Variants in PRRG4 observed in about 807,000 individuals in gnomAD.
PRRG4 encodes transmembrane gamma-carboxyglutamic acid protein 4.
Under a neutral mutation model 20.0 loss-of-function variants are expected in PRRG4, and 12 were observed. The observed-to-expected ratio is 0.60, with a 90% CI of 0.38 to 0.97. The LOEUF is 0.97. Ranked by LOEUF, PRRG4 falls within the 50% of genes least tolerant of loss-of-function variation. PRRG4 has a pLI of 0.00. For synonymous variants in PRRG4, 94 were observed against 96.4 expected, an observed-to-expected ratio of 0.98 and a Z score of 0.15; for missense variants, 199 against 265.1, an observed-to-expected ratio of 0.75 and a Z score of 1.73.
rs1260071473 is a variant in PRRG4 at position 32,840,930 on chromosome 11, TAGCACATTGATAA to T, written c.449+695_449+707del. ...TAAAATGCTTACCAATTGAGGATAATAGCACATTGATAAAGCTTCAGAAAGATTCATAAAGGCC... is the reference window on the plus strand; with the variant it reads ...TAAAATGCTTACCAATTGAGGATAATAGCTTCAGAAAGATTCATAAAGGCC... On this transcript the variant is annotated intron_variant, in intron 5 of 5. Coordinates refer to ENST00000257836, the MANE Select transcript of PRRG4 (RefSeq NM_024081.6). The surrounding 1 kb of genome is among the most constrained non-coding windows in gnomAD (Gnocchi z 4.1). 1.3e-5 allele frequency among the ~76,000 whole-genome samples: 2 copies of T among 152,206 alleles called. No individual in the cohort carries two copies. Among genetic ancestry groups the T allele is most frequent in the African/African-American group, 4.8e-5 (2 of 41,450 alleles).
At chr11:32,849,280 A>AGCCGGGGAGATT (rs1851159647) in intron 5 of PRRG4, among the ~76,000 whole-genome samples, 1 of 152,066 alleles carries the variant, frequency 6.6e-6, no homozygotes, top group South Asian at 2.1e-4. Flanking sequence ...GAATTGATTG[A>AGCCGGGGAGATT]GCCGGGGAGA....
chr11:32,834,226 GC>G (rs1850999845), intron 2 of PRRG4, among the ~76,000 whole-genome samples: 1 of 152,152 alleles, frequency 6.6e-6, no homozygotes, highest in African/African-American at 2.4e-5. Context: ...CTTTTAAAGG[GC>G]CCTCTTTGGC....
In PRRG4 at chr11:32,854,956, G is replaced by C. The variant is rs1851217964; in HGVS notation, c.*1429G>C. 6.6e-6 allele frequency: 1 copy of C among 152,126 alleles called. No homozygotes were observed. Among genetic ancestry groups the C allele is most frequent in the African/African-American group, 2.4e-5 (1 of 41,424 alleles). The allele number at this position is 152,126 out of a possible 1,614,324, so 9.4% of individuals were successfully genotyped here. A position where few individuals can be genotyped will look rare whatever the true frequency, so the allele number is the denominator to read the frequency against. On this transcript the variant is annotated 3_prime_UTR_variant, in exon 6 of 6. Coordinates refer to ENST00000257836, the MANE Select transcript of PRRG4 (RefSeq NM_024081.6). ...ACTTAATGAAGTTGCCCCTGTTACT[G>C]ATTAGTAAATACTCCCATCTTCGTT...
chr11:32,853,683 C>G lies in PRRG4; in HGVS notation c.*156C>G. The stretch of plus-strand genomic sequence containing the variant: ...TCTCTACTAAAAATTCAAAAATTAC[C>G]TAGGCGTCATGGGGCATGCCTGTAG... On this transcript the variant is annotated 3_prime_UTR_variant, in exon 6 of 6. Transcript: ENST00000257836. 1.7e-6 allele frequency: 1 copy of G among 586,558 alleles called. No homozygotes were observed. Among genetic ancestry groups the G allele is most frequent in the South Asian group, 2.0e-5 (1 of 50,580 alleles). The allele number at this position is 586,558 out of a possible 1,614,324, so 36.3% of individuals were successfully genotyped here.
rs1273784283 is a variant in PRRG4, at chr11:32,856,216, A to T, written c.*2689A>T. The T allele has an allele frequency of 6.6e-6, 1 of 152,152 alleles. No homozygotes were observed. Among genetic ancestry groups the T allele is most frequent in the African/African-American group, 2.4e-5 (1 of 41,428 alleles). 9.4% of individuals were successfully genotyped at this position (152,152 alleles called of 1,614,324 possible). On this transcript the variant is annotated 3_prime_UTR_variant, in exon 6 of 6. Coordinates refer to ENST00000257836, the MANE Select transcript of PRRG4 (RefSeq NM_024081.6). ...TTCATTTACTTCTATTGACTCCCAAAATTCTAACTGCAAGCTAGCTTCAGA... is the reference window on the plus strand; with the variant it reads ...TTCATTTACTTCTATTGACTCCCAATATTCTAACTGCAAGCTAGCTTCAGA...
chr11:32,847,004 A>AT (rs911495135), intron 5 of PRRG4, among the ~76,000 whole-genome samples: 1 of 151,562 alleles, frequency 6.6e-6, no homozygotes, highest in African/African-American at 2.4e-5. Flanking sequence ...CTCAAAAAAA[A>AT]AAATAAAGAA....
rs773424904 is a variant in PRRG4, at chr11:32,840,139, C to T, written c.349C>T (p.Leu117Phe). The change falls in exon 5 of 6, where the codon CTT becomes TTT. Residue 117 changes from leucine to phenylalanine, a missense_variant. Leu to Phe is a conservative substitution (Grantham distance 22, BLOSUM62 0). Coordinates refer to ENST00000257836, the MANE Select transcript of PRRG4 (RefSeq NM_024081.6). This position sits in a 1 kb window ranked among gnomAD's most constrained non-coding sequence, Gnocchi z 4.1. ...GNREKIDVMG[L>F]LTGLIAAGVF... Reference sequence around the variant, plus strand: ...CAGAGAGAAAATAGATGTTATGGGCCTTCTGACTGGATTAATTGCTGCTGG... The same window carrying T: ...CAGAGAGAAAATAGATGTTATGGGCTTTCTGACTGGATTAATTGCTGCTGG... 6.2e-7 allele frequency: 1 copy of T among 1,606,686 alleles called. No individual in the cohort carries two copies. Among genetic ancestry groups the T allele is most frequent in the South Asian group, 1.1e-5 (1 of 90,808 alleles).
chr11:32,832,375 A>G (rs1321419067), intron 2 of PRRG4, among the ~76,000 whole-genome samples: 3 of 152,278 alleles, frequency 2.0e-5, no homozygotes, highest in South Asian at 4.2e-4. Context: ...ACTCTGCCTC[A>G]AGAGAGTTGT....
chr11:32,852,885 G>A (rs1453798203), intron 5 of PRRG4, among the ~76,000 whole-genome samples: 1 of 148,814 alleles, frequency 6.7e-6, no homozygotes, highest in Non-Finnish European at 1.5e-5. Flanking sequence ...CCATTCTCCT[G>A]CCTTAGCCTC....
At chr11:32,842,810 T>G (rs954461679) in intron 5 of PRRG4, among the ~76,000 whole-genome samples, 1 of 152,178 alleles carries the variant, frequency 6.6e-6, no homozygotes, top group Non-Finnish European at 1.5e-5. Flanking sequence ...AGATACATTT[T>G]CCTCTAAAAT....
At position 32,856,039 on chromosome 11, in the gene PRRG4, C is replaced by T. The variant is rs566572378; in HGVS notation, c.*2512C>T. The T allele has an allele frequency of 2.6e-5, 4 of 152,282 alleles. No homozygotes were observed. The South Asian group carries it at 6.2e-4, about 24-fold the overall frequency. 9.4% of individuals were successfully genotyped at this position (152,282 alleles called of 1,614,324 possible). On this transcript the variant is annotated 3_prime_UTR_variant, in exon 6 of 6. Transcript: ENST00000257836. ...ATTCTAAGTTTGGGACAGAAATTTA[C>T]AAGCATTTCTCATATATACATACAT...
chr11:32,834,805 C>T (rs1210045907), intron 2 of PRRG4, among the ~76,000 whole-genome samples: 2 of 151,664 alleles, frequency 1.3e-5, no homozygotes, highest in Non-Finnish European at 2.9e-5. Flanking sequence ...TCAGACAAGT[C>T]ACATTTCTTG....
chr11:32,839,804 ATAG>A (rs1439453517), intron 4 of PRRG4, among the ~76,000 whole-genome samples: 1 of 146,690 alleles, frequency 6.8e-6, no homozygotes, highest in East Asian at 1.9e-4. Context: ...TAAAATATAA[ATAG>A]TATATTTTAA....
At chr11:32,831,338 C>T (rs955271364) in intron 2 of PRRG4, among the ~76,000 whole-genome samples, 5 of 152,324 alleles carry the variant, frequency 3.3e-5, no homozygotes, top group Admixed American at 2.0e-4. Flanking sequence ...CACTCAGTGT[C>T]AGTACTCTGG....
chr11:32,835,796 A>G (rs1184579306), intron 2 of PRRG4, among the ~76,000 whole-genome samples: 3 of 152,180 alleles, frequency 2.0e-5, no homozygotes, highest in African/African-American at 7.2e-5. Flanking sequence ...TTAATATAAA[A>G]GTATTAATTT....
At chr11:32,838,183 A>T (rs1851041637) in intron 3 of PRRG4, among the ~76,000 whole-genome samples, 1 of 152,186 alleles carries the variant, frequency 6.6e-6, no homozygotes, top group Non-Finnish European at 1.5e-5. Context: ...CCAGAAGGGC[A>T]CAGTGGCTCA....
intron 3 of PRRG4, 124 bp downstream of exon 3, chr11:32,836,945 C>T (rs1851025056): frequency 1.4e-6 from 1 of 721,638 alleles, no homozygotes; most frequent in African/African-American, 1.8e-5. Flanking sequence ...CTATCTCTTT[C>T]TACTTCCTTA....
Position 32,830,584 on chromosome 11 carries a change from C to T in PRRG4, c.55C>T (p.Pro19Ser), listed in dbSNP as rs780892925. 1.9e-6 allele frequency: 3 copies of T among 1,612,316 alleles called. No individual in the cohort carries two copies. Among genetic ancestry groups the T allele is most frequent in the Non-Finnish European group, 1.7e-6 (2 of 1,179,430 alleles). The change falls in exon 2 of 6, where the codon CCT (proline) becomes TCT (serine). Residue 19 changes from proline to serine, a missense_variant. Transcript: ENST00000257836. ...SQLPTVTLGF[P>S]HCARGPKASK... is the part of the protein sequence containing the mutation. Reference sequence around the variant, plus strand: ...ACTGCCCACAGTTACCCTGGGGTTTCCTCATTGCGCAAGAGGTCCAAAGGC... The same window carrying T: ...ACTGCCCACAGTTACCCTGGGGTTTTCTCATTGCGCAAGAGGTCCAAAGGC...
intron 2 of PRRG4, among the ~76,000 whole-genome samples, chr11:32,834,236 G>T (rs773200102): frequency 4.6e-5 from 7 of 152,164 alleles, no homozygotes; most frequent in Non-Finnish European, 7.3e-5. Context: ...GCCCTCTTTG[G>T]CTGTTATGTT....
Sources: gnomAD v4.1 joint callset for allele counts (sites outside exome capture counted in the v4.1 genomes callset) on GRCh38, gnomAD v4.1.1 for gene constraint, Gnocchi (gnomAD v3.1) non-coding constraint, MANE v1.5 for transcripts, NCBI Gene and HGNC (gene_info 2026-07-23, HGNC 2026-07-21) for gene names.